FAM193A: variants seen among roughly 807,000 people sequenced by gnomAD.
FAM193A encodes the protein family with sequence similarity 193 member A, also known as protein FAM193A.
Under a neutral mutation model 126.5 loss-of-function variants are expected in FAM193A, and 22 were observed. That is an observed-to-expected ratio of 0.17 (90% CI 0.12 to 0.25). The LOEUF (loss-of-function observed/expected upper bound fraction) is 0.25, where lower values mean the gene tolerates loss of function less well. Among genes scored for constraint, FAM193A ranks in the 10% least tolerant of loss-of-function variants. The pLI, the probability that FAM193A is intolerant of heterozygous loss-of-function variation, is 1.00. For synonymous variants in FAM193A, 761 were observed against 646.8 expected (o/e 1.18, Z -2.68); for missense variants, 1,675 against 1,672.8 (o/e 1.00, Z -0.02).
chr4:2,681,852 C>T (rs561820883), intron 13 of FAM193A, among the ~76,000 whole-genome samples: 2 of 152,094 alleles, frequency 1.3e-5, no homozygotes, highest in Middle Eastern at 3.4e-3. Context: ...CACTGCGTCC[C>T]GTAAGTTTCA....
intron 20 of FAM193A, among the ~76,000 whole-genome samples, chr4:2,726,013 C>T (rs1292860955): frequency 6.6e-6 from 1 of 151,734 alleles, no homozygotes; most frequent in Non-Finnish European, 1.5e-5. Context: ...ATTCTCCTGC[C>T]TCAGGCTCCT....
At chr4:2,661,164 A>C (rs1431380283) in intron 10 of FAM193A, among the ~76,000 whole-genome samples, 1 of 152,198 alleles carries the variant, frequency 6.6e-6, no homozygotes, top group African/African-American at 2.4e-5. Flanking sequence ...CTTGGGCCGG[A>C]ACTGCCCATC....
At chr4:2,641,868 C>G (rs1744659262) in intron 6 of FAM193A, among the ~76,000 whole-genome samples, 1 of 151,938 alleles carries the variant, frequency 6.6e-6, no homozygotes, top group South Asian at 2.1e-4. Context: ...ACTTGGGAGG[C>G]TGAGGCAGGA....
chr4:2,715,588 A>C, intron 19 of FAM193A: 1 of 878,508 alleles, frequency 1.1e-6, no homozygotes, highest in Non-Finnish European at 1.4e-6. Context: ...CCCTTTCCTT[A>C]ACATGGGCCT....
At chr4:2,550,235 G>A (rs1288978211) in intron 1 of FAM193A, among the ~76,000 whole-genome samples, 16 of 151,404 alleles carry the variant, frequency 1.1e-4, no homozygotes, top group African/African-American at 3.4e-4. Flanking sequence ...TAGTAGAGAC[G>A]GGGTTTCGTC....
intron 19 of FAM193A, among the ~76,000 whole-genome samples, chr4:2,713,281 C>T (rs1298073792): frequency 2.0e-5 from 3 of 151,248 alleles, no homozygotes; most frequent in East Asian, 1.9e-4. Context: ...TGGCGCGCAC[C>T]TGTAGTCCCA....
chr4:2,607,262 A>G (rs555814705), intron 2 of FAM193A, among the ~76,000 whole-genome samples: 34 of 152,286 alleles, frequency 2.2e-4, no homozygotes, highest in African/African-American at 7.9e-4. Context: ...TTCCCGCCTC[A>G]CAGCTCTGAA....
chr4:2,604,326 T>C (rs1407946846), intron 2 of FAM193A, among the ~76,000 whole-genome samples: 1 of 152,174 alleles, frequency 6.6e-6, no homozygotes, highest in African/African-American at 2.4e-5. Flanking sequence ...TGGGTTTAGG[T>C]GGAAGGCTCA....
chr4:2,668,624 C>G (rs1024855330), intron 12 of FAM193A, among the ~76,000 whole-genome samples: 2 of 152,162 alleles, frequency 1.3e-5, no homozygotes, highest in African/African-American at 4.8e-5. Context: ...CTCCTTTGTA[C>G]TATTATTGTC....
chr4:2,694,833 G>C lies in FAM193A; in HGVS notation c.3093-113G>C, dbSNP rs141652517. 95 of 889,678 alleles carry C rather than the reference G, an allele frequency of 1.1e-4. 1 individual carries two copies. In the African/African-American group the frequency reaches 1.2e-3, roughly 11 times the overall value. 55.1% of individuals were successfully genotyped at this position (889,678 alleles called of 1,614,324 possible). ...GTAACCCTGGGACTATGCACCCTCT[G>C]CGCTGCCTCTTGTCTGTGAAATGGG... On this transcript the variant is annotated intron_variant, in intron 16 of 20. Coordinates refer to ENST00000637812, the MANE Select transcript of FAM193A (RefSeq NM_001366318.2).
At chr4:2,625,719 CTTTTTTT>C (rs35220520) in intron 3 of FAM193A, among the ~76,000 whole-genome samples, 2 of 79,316 alleles carry the variant, frequency 2.5e-5, no homozygotes, top group Non-Finnish European at 4.5e-5. Context: ...TGGAGCTCAT[CTTTTTTT>C]TTTTTTTTTT....
At chr4:2,621,177 C>G (rs910993563) in intron 2 of FAM193A, among the ~76,000 whole-genome samples, 11 of 152,038 alleles carry the variant, frequency 7.2e-5, no homozygotes, top group African/African-American at 2.7e-4. Flanking sequence ...GGAGGGAGAC[C>G]CCTTCTTCTT....
intron 1 of FAM193A, among the ~76,000 whole-genome samples, chr4:2,549,797 G>T (rs1311806823): frequency 6.6e-6 from 1 of 151,644 alleles, no homozygotes; most frequent in African/African-American, 2.4e-5. Flanking sequence ...ACACCATCTC[G>T]GCTCACTGCA....
chr4:2,586,317 T>C (rs1330565588), intron 1 of FAM193A, among the ~76,000 whole-genome samples: 2 of 152,192 alleles, frequency 1.3e-5, no homozygotes, highest in African/African-American at 4.8e-5. Context: ...TTTTGGTGTC[T>C]TGAAAATGTT....
In FAM193A at chr4:2,731,938, C is replaced by T. The variant is rs562766565; in HGVS notation, c.*70C>T. 3.4e-5 allele frequency: 40 copies of T among 1,181,810 alleles called. No individual in the cohort carries two copies. The Admixed American group carries it at 4.2e-4, about 12-fold the overall frequency. The allele number at this position is 1,181,810 out of a possible 1,614,324, so 73.2% of individuals were successfully genotyped here. A position where few individuals can be genotyped will look rare whatever the true frequency, so the allele number is the denominator to read the frequency against. ...GCACCACCCCAAGAGCCACGCCCCT[C>T]GCTGGCGCCCCAGAGCCGTGGTGCT... On this transcript the variant is annotated 3_prime_UTR_variant, in exon 21 of 21. Transcript: ENST00000637812.
In FAM193A at chr4:2,596,187, G is replaced by A. The variant is rs772470711; in HGVS notation, c.359G>A (p.Ser120Asn). The change falls in exon 2 of 21, where the codon AGT becomes AAT. Residue 120 changes from serine (S) to asparagine (N), a missense_variant. Ser to Asn is a conservative substitution (Grantham distance 46, BLOSUM62 1). Around this residue, in one of 4 missense-constraint regions of FAM193A, gnomAD observed 1,186 missense variants for 1,109.2 expected, o/e 1.07. Transcript: ENST00000637812. Reference protein sequence around the residue: ...SERKDSSFLESGIKTASKLAL... With the variant: ...SERKDSSFLENGIKTASKLAL... ...CGGAAAGACTCATCATTCTTAGAGA[G>A]TGGAATTAAGACTGCGAGCAAATTG... is the stretch of plus-strand genomic sequence containing the variant. The A allele has an allele frequency of 4.3e-6, 3 of 702,888 alleles. No individual in the cohort carries two copies. Among genetic ancestry groups the A allele is most frequent in the Non-Finnish European group, 7.8e-6 (3 of 385,028 alleles). The allele number at this position is 702,888 out of a possible 1,614,324, so 43.5% of individuals were successfully genotyped here.
At chr4:2,731,196 CAAAAAAAA>C (rs546217602) in intron 20 of FAM193A, among the ~76,000 whole-genome samples, 18 of 86,870 alleles carry the variant, frequency 2.1e-4, no homozygotes, top group African/African-American at 8.5e-4. Flanking sequence ...AACTCCTTCT[CAAAAAAAA>C]AAAAAAAAAA....
intron 13 of FAM193A, among the ~76,000 whole-genome samples, chr4:2,675,753 T>G (rs1272563409): frequency 6.6e-6 from 1 of 152,202 alleles, no homozygotes; most frequent in Non-Finnish European, 1.5e-5. Flanking sequence ...CATAACTCTT[T>G]TCATCTTGTA....
At chr4:2,713,104 CAAA>C (rs529104464) in intron 19 of FAM193A, among the ~76,000 whole-genome samples, 7 of 77,360 alleles carry the variant, frequency 9.0e-5, no homozygotes, top group Admixed American at 1.5e-4. Flanking sequence ...GACTCTGCTT[CAAA>C]AAAAAAAAAA....
Sources: gnomAD v4.1 joint callset for allele counts (sites outside exome capture counted in the v4.1 genomes callset) on GRCh38, gnomAD v4.1.1 for gene constraint, gnomAD v4.1.1 regional missense constraint, MANE v1.5 for transcripts, NCBI Gene and HGNC (gene_info 2026-07-23, HGNC 2026-07-21) for gene names.